Variants in DNAH14 observed in about 807,000 individuals in gnomAD.
DNAH14 encodes the protein dynein axonemal heavy chain 14.
DNAH14 carries 478 observed loss-of-function variants against 520.9 expected under a neutral mutation model. The ratio of observed to expected loss-of-function variants is 0.92; its 90% CI spans 0.85 to 0.99. DNAH14 has a LOEUF of 0.99. Among genes scored for constraint, DNAH14 ranks in the 50% least tolerant of loss-of-function variants. The pLI, the probability that DNAH14 is intolerant of heterozygous loss-of-function variation, is 0.00. For missense variants in DNAH14, 4,831 were observed against 5,234.5 expected (o/e 0.92, Z 2.38); for synonymous variants, 1,581 against 1,757.2 (o/e 0.90, Z 2.51).
chr1:225,050,393 T>C lies in DNAH14; in HGVS notation c.2079+17T>C, dbSNP rs1025381883. 45 of 1,517,526 alleles carry C rather than the reference T, an allele frequency of 3.0e-5. No individual in the cohort carries two copies. Among genetic ancestry groups the C allele is most frequent in the Admixed American group, 1.4e-4 (6 of 41,648 alleles). The allele number at this position is 1,517,526 out of a possible 1,614,324, so 94.0% of individuals were successfully genotyped here. A position where few individuals can be genotyped will look rare whatever the true frequency, so the allele number is the denominator to read the frequency against. On this transcript the variant is annotated intron_variant, in intron 16 of 85. Transcript: ENST00000682510. ...CAAAATATAGTAAGTTTTAAAACAG[T>C]TCATTTTAGGAAATGTTTAAGGAGC...
intron 10 of DNAH14, among the ~76,000 whole-genome samples, chr1:225,008,666 T>C (rs2939366): frequency 0.9 from 135,025 of 149,234 alleles, 62,621 homozygotes; most frequent in East Asian, 1. Context: ...ACCTCGTGAT[T>C]CACCCACCTT....
At chr1:224,980,641 C>T (rs2062197437) in intron 8 of DNAH14, among the ~76,000 whole-genome samples, 1 of 152,148 alleles carries the variant, frequency 6.6e-6, no homozygotes, top group Non-Finnish European at 1.5e-5. Flanking sequence ...TGAACATAGG[C>T]AGTAGCCAGG....
chr1:225,173,534 G>C (rs1335728271), intron 36 of DNAH14, among the ~76,000 whole-genome samples: 1 of 152,194 alleles, frequency 6.6e-6, no homozygotes, highest in Non-Finnish European at 1.5e-5. Flanking sequence ...GGCCATCAGA[G>C]AAATGGAAAT....
At chr1:224,964,635 G>T (rs1464571894) in intron 5 of DNAH14, 26 bp downstream of exon 5, 1 of 1,474,448 alleles carries the variant, frequency 6.8e-7, no homozygotes, top group East Asian at 2.4e-5. Context: ...ATTTAATTTT[G>T]ATCTTTAAAA....
intron 36 of DNAH14, among the ~76,000 whole-genome samples, chr1:225,180,963 C>A (rs763930964): frequency 6.6e-6 from 1 of 152,116 alleles, no homozygotes; most frequent in African/African-American, 2.4e-5. Context: ...ATTTTTTCAA[C>A]CCTTGCTCCC....
intron 56 of DNAH14, among the ~76,000 whole-genome samples, chr1:225,301,457 T>C (rs1553308390): frequency 1.3e-5 from 2 of 152,054 alleles, no homozygotes; most frequent in Admixed American, 6.6e-5. Flanking sequence ...CAGGAGGTGA[T>C]GGATAAAAAA....
chr1:225,244,821 T>A (rs2092181877), intron 43 of DNAH14, among the ~76,000 whole-genome samples: 1 of 152,212 alleles, frequency 6.6e-6, no homozygotes, highest in Admixed American at 6.5e-5. Flanking sequence ...GTTGATCTTA[T>A]GAAGGGTTTT....
At chr1:225,265,051 G>A in intron 47 of DNAH14, 131 bp from the exon 48 acceptor site, 2 of 674,890 alleles carry the variant, frequency 3.0e-6, no homozygotes, top group Non-Finnish European at 4.7e-6. Context: ...TTCTATCGGA[G>A]TAATTTCTTG....
chr1:225,106,432 T>C (rs989960779), intron 23 of DNAH14, among the ~76,000 whole-genome samples: 1 of 152,160 alleles, frequency 6.6e-6, no homozygotes, highest in Non-Finnish European at 1.5e-5. Flanking sequence ...TTGGCCTGCC[T>C]TGCTAGATTG....
At chr1:225,290,143 C>A in intron 55 of DNAH14, 61 bp downstream of exon 55, 1 of 1,175,212 alleles carries the variant, frequency 8.5e-7, no homozygotes, top group South Asian at 2.9e-5. Flanking sequence ...TACCCCCTCC[C>A]CAAAAATTTA....
intron 60 of DNAH14, among the ~76,000 whole-genome samples, chr1:225,315,266 G>A (rs993811376): frequency 3.3e-5 from 5 of 151,496 alleles, no homozygotes; most frequent in South Asian, 2.1e-4. Context: ...CGAAGTTTTC[G>A]TGCTGGGTTT....
chr1:225,279,661 C>G (rs2149905416), intron 54 of DNAH14, among the ~76,000 whole-genome samples: 1 of 152,088 alleles, frequency 6.6e-6, no homozygotes, highest in Non-Finnish European at 1.5e-5. Flanking sequence ...AACAAGAAAA[C>G]TAATATTAAT....
At chr1:225,265,445 C>G in intron 48 of DNAH14, 76 bp downstream of exon 48, 3 of 1,254,596 alleles carry the variant, frequency 2.4e-6, no homozygotes, top group South Asian at 1.7e-5. Flanking sequence ...TAATACTAAT[C>G]AGAAGAAAAA....
At chr1:225,007,350 T>G in intron 9 of DNAH14, 63 bp from the exon 10 acceptor site, 3 of 1,337,432 alleles carry the variant, frequency 2.2e-6, no homozygotes, top group South Asian at 3.5e-5. Context: ...GACCAAATAT[T>G]TTATCTTTTT....
chr1:225,322,634 A>C (rs2094578733), intron 61 of DNAH14, 30 bp from the exon 62 acceptor site: 1 of 1,428,610 alleles, frequency 7.0e-7, no homozygotes, highest in East Asian at 2.6e-5. Flanking sequence ...TTAATTGTGA[A>C]GTTGATGAGA....
At chr1:225,357,739 C>A in intron 73 of DNAH14, 1 of 694,872 alleles carries the variant, frequency 1.4e-6, no homozygotes, top group Non-Finnish European at 2.6e-6. Flanking sequence ...ATGGCAACTT[C>A]CCATGGTCCA....
At chr1:225,177,429 A>G (rs1355386726) in intron 36 of DNAH14, among the ~76,000 whole-genome samples, 2 of 152,222 alleles carry the variant, frequency 1.3e-5, no homozygotes, top group Admixed American at 1.3e-4. Flanking sequence ...AGCTGCAGAA[A>G]TTTGCATAAG....
chr1:225,332,918 C>T (rs1307933811), intron 65 of DNAH14, among the ~76,000 whole-genome samples: 1 of 151,648 alleles, frequency 6.6e-6, no homozygotes, highest in Non-Finnish European at 1.5e-5. Context: ...GGAGGAGGAT[C>T]ACATGAGCCC....
At chr1:225,157,578 T>A (rs1390394821) in intron 34 of DNAH14, among the ~76,000 whole-genome samples, 1 of 152,182 alleles carries the variant, frequency 6.6e-6, no homozygotes, top group African/African-American at 2.4e-5. Flanking sequence ...TTATAATATT[T>A]TATTTAAGCT....
Sources: gnomAD v4.1 joint callset for allele counts (sites outside exome capture counted in the v4.1 genomes callset) on GRCh38, gnomAD v4.1.1 for gene constraint, MANE v1.5 for transcripts, NCBI Gene and HGNC (gene_info 2026-07-23, HGNC 2026-07-21) for gene names.